Variants in MAP3K5 observed in about 807,000 individuals in gnomAD.
The protein encoded by MAP3K5 is ASK-1.
In MAP3K5, 56 loss-of-function variants were observed where a neutral mutation model predicts 158.7. The ratio of observed to expected loss-of-function variants is 0.35; its 90% CI spans 0.28 to 0.44. MAP3K5 has a LOEUF of 0.44. Ranked by LOEUF, MAP3K5 falls within the 20% of genes least tolerant of loss-of-function variation. The pLI is 1.00. For synonymous variants in MAP3K5, 579 were observed against 601.7 expected, an observed-to-expected ratio of 0.96 and a Z score of 0.55; for missense variants, 1,294 against 1,674.8, an observed-to-expected ratio of 0.77 and a Z score of 3.97.
intron 1 of MAP3K5, among the ~76,000 whole-genome samples, chr6:136,749,926 A>G (rs1783127392): frequency 6.6e-6 from 1 of 152,104 alleles, no homozygotes; most frequent in Non-Finnish European, 1.5e-5. Flanking sequence ...CCACCTACTG[A>G]TGCTGCTTTC....
At chr6:136,677,124 T>C (rs1003600255) in intron 7 of MAP3K5, among the ~76,000 whole-genome samples, 4 of 147,918 alleles carry the variant, frequency 2.7e-5, no homozygotes, top group Non-Finnish European at 5.9e-5. Flanking sequence ...AAAATAATGA[T>C]GATATCCATT....
chr6:136,703,667 C>T (rs568731489), intron 3 of MAP3K5, among the ~76,000 whole-genome samples: 17 of 152,210 alleles, frequency 1.1e-4, no homozygotes, highest in Admixed American at 4.6e-4. Flanking sequence ...GCAATAATTG[C>T]TCATTTCCTG....
intron 5 of MAP3K5, among the ~76,000 whole-genome samples, chr6:136,696,947 A>G (rs1780624854): frequency 6.6e-6 from 1 of 152,240 alleles, no homozygotes; most frequent in African/African-American, 2.4e-5. Flanking sequence ...CTGTGTCCAC[A>G]GGTTCGCTGT....
At chr6:136,777,181 C>A (rs1328807976) in intron 1 of MAP3K5, among the ~76,000 whole-genome samples, 1 of 152,186 alleles carries the variant, frequency 6.6e-6, no homozygotes, top group Non-Finnish European at 1.5e-5. Context: ...CTAGGTCAAG[C>A]CAAGCAACTT....
At chr6:136,643,620 G>T (rs1210574038) in intron 11 of MAP3K5, among the ~76,000 whole-genome samples, 2 of 152,162 alleles carry the variant, frequency 1.3e-5, no homozygotes, top group African/African-American at 4.8e-5. Flanking sequence ...TCTTTGCTAG[G>T]TCCATGCAAC....
chr6:136,592,030 C>T, intron 23 of MAP3K5, 143 bp downstream of exon 23: 1 of 621,976 alleles, frequency 1.6e-6, no homozygotes, highest in Non-Finnish European at 2.6e-6. Context: ...GGTTTGCCTT[C>T]TTTTTTCCTG....
At chr6:136,585,579 A>C (rs113884998) in intron 23 of MAP3K5, among the ~76,000 whole-genome samples, 1,737 of 151,588 alleles carry the variant, frequency 0.011, 22 homozygotes, top group East Asian at 0.04. Flanking sequence ...AGCTCACAAC[A>C]ACCTCTGCCT....
rs116179337 is a variant in MAP3K5 at position 136,765,822 on chromosome 6, G to A, written c.448+25888C>T. On this transcript the variant is annotated intron_variant, in intron 1 of 29. Transcript: ENST00000359015. ...TGGGATTACAGGTGTGAGCCACTTTGCCCGGCAGTAACTGCTTTTATCTCC... is the reference window on the plus strand; with the variant it reads ...TGGGATTACAGGTGTGAGCCACTTTACCCGGCAGTAACTGCTTTTATCTCC... 2.9e-3 allele frequency among the ~76,000 whole-genome samples: 442 copies of A among 151,402 alleles called. 1 individual carries two copies. The highest frequency in any genetic ancestry group is 0.01 in the African/African-American group (419 of 41,224).
chr6:136,601,995 A>G lies in MAP3K5; in HGVS notation c.2680-16T>C, dbSNP rs1293854968. ...ACATTCCCACCTAAGACATAAATAT[A>G]AAAAGTGCAATGTGCCTTCTGAGTG... On this transcript the variant is annotated splice_polypyrimidine_tract_variant and intron_variant, in intron 19 of 29. Transcript: ENST00000359015. The G allele has an allele frequency of 1.2e-6, 2 of 1,607,982 alleles. No homozygotes were observed. The highest frequency in any genetic ancestry group is 1.1e-5 in the South Asian group (1 of 90,430).
intron 1 of MAP3K5, among the ~76,000 whole-genome samples, chr6:136,784,715 T>G (rs1784766716): frequency 6.6e-6 from 1 of 152,226 alleles, no homozygotes; most frequent in African/African-American, 2.4e-5. Flanking sequence ...AAGTTTTCAC[T>G]CATCCTTGGA....
chr6:136,689,740 T>C (rs1780308948), intron 7 of MAP3K5, among the ~76,000 whole-genome samples: 1 of 152,156 alleles, frequency 6.6e-6, no homozygotes, highest in Non-Finnish European at 1.5e-5. Flanking sequence ...TGACAGATGC[T>C]AGCCCCTTGA....
intron 14 of MAP3K5, among the ~76,000 whole-genome samples, chr6:136,626,901 G>C (rs753318414): frequency 1.3e-5 from 2 of 152,080 alleles, no homozygotes; most frequent in Non-Finnish European, 1.5e-5. Flanking sequence ...AAATATATCA[G>C]AGTTGTGGTT....
chr6:136,762,441 T>C (rs751730783), intron 1 of MAP3K5, among the ~76,000 whole-genome samples: 7 of 152,152 alleles, frequency 4.6e-5, no homozygotes, highest in Non-Finnish European at 1.0e-4. Context: ...AGGTGTTCCA[T>C]GGACAAAGAT....
chr6:136,730,562 A>G (rs902863200), intron 1 of MAP3K5, among the ~76,000 whole-genome samples: 5 of 151,882 alleles, frequency 3.3e-5, no homozygotes, highest in Admixed American at 1.3e-4. Flanking sequence ...TCCACTAAAA[A>G]CACAAAAAAA....
chr6:136,617,847 C>T (rs1041623566), intron 15 of MAP3K5, among the ~76,000 whole-genome samples: 3 of 152,112 alleles, frequency 2.0e-5, no homozygotes, highest in African/African-American at 7.2e-5. Context: ...GCAGGAGAAT[C>T]ACTTGAACCC....
At chr6:136,658,242 C>A (rs1041994891) in intron 9 of MAP3K5, among the ~76,000 whole-genome samples, 4 of 151,350 alleles carry the variant, frequency 2.6e-5, no homozygotes, top group African/African-American at 4.9e-5. Flanking sequence ...ATCTTTATAG[C>A]TAATGGTTAA....
At chr6:136,702,368 T>C (rs1263307004) in intron 3 of MAP3K5, among the ~76,000 whole-genome samples, 4 of 152,188 alleles carry the variant, frequency 2.6e-5, no homozygotes, top group Admixed American at 6.5e-5. Context: ...TGAAAACTAA[T>C]AGCATGGGAA....
Position 136,592,526 on chromosome 6 carries a change from C to T in MAP3K5, c.2967G>A (p.Thr989=), listed in dbSNP as rs117127910. Residue 989 remains threonine, a synonymous_variant, in exon 22 of 30, where the codon ACG becomes ACA. Coordinates refer to ENST00000359015, the MANE Select transcript of MAP3K5 (RefSeq NM_005923.4). ...AAGAGAAGGGGTCCACTTTCAACTC[C>T]GTGTCGGGTGAAACTGAGCCGTACT... ...SSEYGSVSPD[T]ELKVDPFSFK... The T allele has an allele frequency of 0.017, 26,737 of 1,611,768 alleles. 281 individuals are homozygous for T. The highest frequency in any genetic ancestry group is 0.021 in the Non-Finnish European group (24,155 of 1,178,016).
At chr6:136,576,211 G>A (rs1222780145) in intron 25 of MAP3K5, among the ~76,000 whole-genome samples, 2 of 151,858 alleles carry the variant, frequency 1.3e-5, no homozygotes, top group African/African-American at 2.4e-5. Context: ...GTTCTGGCTT[G>A]GACTGTTTGG....
Sources: gnomAD v4.1 joint callset for allele counts (sites outside exome capture counted in the v4.1 genomes callset) on GRCh38, gnomAD v4.1.1 for gene constraint, MANE v1.5 for transcripts, NCBI Gene and HGNC (gene_info 2026-07-23, HGNC 2026-07-21) for gene names.